Variants in SHC3 observed in about 807,000 individuals in gnomAD.
The protein encoded by SHC3 is SHC-transforming protein 3.
Under a neutral mutation model 60.4 loss-of-function variants are expected in SHC3, and 15 were observed. The observed-to-expected ratio is 0.25, with a 90% CI of 0.17 to 0.38. SHC3 has a LOEUF of 0.38. Ranked by LOEUF, SHC3 falls within the 10% of genes least tolerant of loss-of-function variation. The pLI is 1.00. For missense variants in SHC3, 677 were observed against 786.1 expected (o/e 0.86, Z 1.66); for synonymous variants, 294 against 325.9 (o/e 0.90, Z 1.05).
intron 1 of SHC3, among the ~76,000 whole-genome samples, chr9:89,112,966 C>T (rs916768059): frequency 3.9e-5 from 6 of 152,040 alleles, no homozygotes; most frequent in African/African-American, 1.2e-4. Context: ...ATTGTTTAAA[C>T]ATATATTTGC....
At chr9:89,126,676 C>A (rs1397533271) in intron 1 of SHC3, among the ~76,000 whole-genome samples, 1 of 152,268 alleles carries the variant, frequency 6.6e-6, no homozygotes, top group Non-Finnish European at 1.5e-5. Flanking sequence ...GAATATTTTT[C>A]TCCCTTCCCT....
At chr9:89,086,483 G>A (rs916277785) in intron 2 of SHC3, among the ~76,000 whole-genome samples, 94 of 152,340 alleles carry the variant, frequency 6.2e-4, no homozygotes, top group African/African-American at 1.8e-3. Context: ...GGGAAGGAGC[G>A]TGGAACTTCC....
intron 11 of SHC3, among the ~76,000 whole-genome samples, chr9:89,034,280 A>G (rs557564559): frequency 1.3e-5 from 2 of 152,244 alleles, no homozygotes; most frequent in Non-Finnish European, 2.9e-5. Flanking sequence ...CCCAGCTGCC[A>G]AAACACAATG....
intron 1 of SHC3, among the ~76,000 whole-genome samples, chr9:89,126,661 G>T (rs997100680): frequency 6.6e-6 from 1 of 152,160 alleles, no homozygotes; most frequent in Non-Finnish European, 1.5e-5. Context: ...CACCCTTGAT[G>T]CAGGGAATAT....
intron 1 of SHC3, among the ~76,000 whole-genome samples, chr9:89,173,206 A>T (rs1249211828): frequency 6.6e-6 from 1 of 152,150 alleles, no homozygotes; most frequent in Non-Finnish European, 1.5e-5. Context: ...CCTGCCTTTC[A>T]CCAGTCCAGG....
intron 3 of SHC3, among the ~76,000 whole-genome samples, chr9:89,076,224 A>G (rs1202273589): frequency 6.6e-6 from 1 of 151,996 alleles, no homozygotes; most frequent in Non-Finnish European, 1.5e-5. Flanking sequence ...GAGACTCTGG[A>G]GCCTTACTTG....
intron 8 of SHC3, 130 bp from the exon 9 acceptor site, chr9:89,045,963 C>T (rs1376974608): frequency 6.6e-6 from 5 of 756,334 alleles, no homozygotes; most frequent in Non-Finnish European, 1.1e-5. Flanking sequence ...CCCAATTTTC[C>T]CTTCATGCCT....
intron 1 of SHC3, among the ~76,000 whole-genome samples, chr9:89,143,207 T>G (rs1478009141): frequency 6.6e-6 from 1 of 152,188 alleles, no homozygotes; most frequent in Non-Finnish European, 1.5e-5. Flanking sequence ...GGATTATTAA[T>G]GCCTCCCCTG....
At position 89,010,705 on chromosome 9, in the gene SHC3, G is replaced by A. The variant is rs1230059127; in HGVS notation, c.*2742C>T. On this transcript the variant is annotated 3_prime_UTR_variant, in exon 12 of 12. Transcript: ENST00000375835. ...CAAGGCCTAATGCCATTCCCGCTGC[G>A]TTCATTGTTCAGCTTCCCTGCCCTG... is the stretch of plus-strand genomic sequence containing the variant. 1 of 152,424 alleles carries A rather than the reference G, an allele frequency of 6.6e-6. No individual in the cohort carries two copies. Among genetic ancestry groups the A allele is most frequent in the Non-Finnish European group, 1.5e-5 (1 of 68,162 alleles). 9.4% of individuals were successfully genotyped at this position (152,424 alleles called of 1,614,324 possible).
At chr9:89,134,951 G>A (rs1280591439) in intron 1 of SHC3, among the ~76,000 whole-genome samples, 1 of 152,008 alleles carries the variant, frequency 6.6e-6, no homozygotes, top group Non-Finnish European at 1.5e-5. Context: ...TTCTTTTGAG[G>A]TATTTACAGC....
intron 6 of SHC3, among the ~76,000 whole-genome samples, chr9:89,059,617 G>A (rs1183595093): frequency 4.3e-5 from 6 of 140,096 alleles, no homozygotes; most frequent in South Asian, 2.5e-4. Flanking sequence ...GGTGCAGGGC[G>A]GTGGTGGAGG....
At chr9:89,084,713 G>A (rs191940154) in intron 2 of SHC3, among the ~76,000 whole-genome samples, 22 of 152,250 alleles carry the variant, frequency 1.4e-4, no homozygotes, top group African/African-American at 4.6e-4. Flanking sequence ...TCCTGATGCC[G>A]ATATGCCAAT....
intron 11 of SHC3, among the ~76,000 whole-genome samples, chr9:89,026,254 C>CAAAAAAAAAAAAAAAAAA (rs67891062): frequency 9.8e-6 from 1 of 102,154 alleles, no homozygotes; most frequent in Non-Finnish European, 1.9e-5. Flanking sequence ...AACTACATCT[C>CAAAAAAAAAAAAAAAAAA]AAAAAAAAAA....
chr9:89,094,102 T>C (rs1452732124), intron 2 of SHC3, among the ~76,000 whole-genome samples: 2 of 120,078 alleles, frequency 1.7e-5, no homozygotes, highest in African/African-American at 3.2e-5. Context: ...AGACTCTGTC[T>C]CAAAAAAAAA....
chr9:89,145,629 C>T (rs1826457897), intron 1 of SHC3, among the ~76,000 whole-genome samples: 1 of 152,208 alleles, frequency 6.6e-6, no homozygotes, highest in Non-Finnish European at 1.5e-5. Context: ...AGTAATAGGA[C>T]AAACTTTCCC....
chr9:89,150,207 C>G (rs529957460), intron 1 of SHC3, among the ~76,000 whole-genome samples: 2 of 152,064 alleles, frequency 1.3e-5, no homozygotes, highest in South Asian at 2.1e-4. Context: ...CAGTATTATC[C>G]ATGATCACAG....
intron 11 of SHC3, among the ~76,000 whole-genome samples, chr9:89,023,877 C>T (rs986449988): frequency 3.3e-5 from 5 of 152,256 alleles, no homozygotes; most frequent in African/African-American, 9.6e-5. Flanking sequence ...TGGTTCCCAA[C>T]TCTAGCCCCT....
At chr9:89,058,504 G>C (rs1824995003) in intron 6 of SHC3, among the ~76,000 whole-genome samples, 2 of 150,162 alleles carry the variant, frequency 1.3e-5, no homozygotes, top group South Asian at 4.3e-4. Flanking sequence ...GGAGGATGTA[G>C]TGGAGGATGC....
At chr9:89,149,473 ATCTC>A (rs1277881616) in intron 1 of SHC3, among the ~76,000 whole-genome samples, 1 of 152,142 alleles carries the variant, frequency 6.6e-6, no homozygotes, top group East Asian at 1.9e-4. Flanking sequence ...GGCATGATCA[ATCTC>A]TCTGCACCCC....
Sources: gnomAD v4.1 joint callset for allele counts (sites outside exome capture counted in the v4.1 genomes callset) on GRCh38, gnomAD v4.1.1 for gene constraint, MANE v1.5 for transcripts, NCBI Gene and HGNC (gene_info 2026-07-23, HGNC 2026-07-21) for gene names.